MAGI2: variants seen among roughly 807,000 people sequenced by gnomAD.
MAGI2 encodes membrane associated guanylate kinase, WW and PDZ domain containing 2.
In MAGI2, 35 loss-of-function variants were observed where a neutral mutation model predicts 133.3. The observed-to-expected ratio is 0.26, with a 90% confidence interval of 0.20 to 0.35. The LOEUF (loss-of-function observed/expected upper bound fraction) is 0.35. Among genes scored for constraint, MAGI2 ranks in the 10% least tolerant of loss-of-function variants. The pLI is 1.00. For synonymous variants in MAGI2, 729 were observed against 710.6 expected, an observed-to-expected ratio of 1.03 and a Z score of -0.41; for missense variants, 1,636 against 1,863.4, an observed-to-expected ratio of 0.88 and a Z score of 2.25.
intron 6 of MAGI2, among the ~76,000 whole-genome samples, chr7:78,417,681 T>C (rs1798424927): frequency 6.6e-6 from 1 of 152,174 alleles, no homozygotes; most frequent in Non-Finnish European, 1.5e-5. Context: ...ATGTATTATT[T>C]TGTTGAAACA....
chr7:78,987,247 T>C (rs1194812263), intron 2 of MAGI2, among the ~76,000 whole-genome samples: 2 of 151,940 alleles, frequency 1.3e-5, no homozygotes, highest in African/African-American at 2.4e-5. Context: ...TATTAATGAG[T>C]TGGAAAAAAG....
At chr7:79,318,067 C>T (rs982177985) in intron 1 of MAGI2, among the ~76,000 whole-genome samples, 5 of 152,076 alleles carry the variant, frequency 3.3e-5, no homozygotes, top group African/African-American at 7.2e-5. Flanking sequence ...CCTCTTACAC[C>T]GAAAAGGTAG....
intron 10 of MAGI2, among the ~76,000 whole-genome samples, chr7:78,248,715 T>C (rs769514344): frequency 5.3e-5 from 8 of 152,046 alleles, no homozygotes; most frequent in Non-Finnish European, 1.0e-4. Context: ...CTCTCAAAAA[T>C]CAAATCAAAA....
intron 1 of MAGI2, among the ~76,000 whole-genome samples, chr7:79,317,097 A>C (rs140815180): frequency 3.6e-5 from 5 of 137,746 alleles, no homozygotes; most frequent in Non-Finnish European, 7.5e-5. Context: ...ATCTCGGCTC[A>C]CTGCAACTTC....
chr7:78,489,901 T>TAAG, intron 5 of MAGI2, 61 bp from the exon 6 acceptor site: 1 of 1,156,498 alleles, frequency 8.6e-7, no homozygotes, highest in South Asian at 1.4e-5. Flanking sequence ...GTTTATTCCT[T>TAAG]AAGAAAAAAA....
In MAGI2 at chr7:78,661,293, G is replaced by C. The variant is rs111335217; in HGVS notation, c.419-34054C>G. Among the ~76,000 whole-genome samples, 1,015 of 151,992 alleles carry C rather than the reference G, an allele frequency of 6.7e-3. 10 individuals are homozygous for C. Among genetic ancestry groups the C allele is most frequent in the African/African-American group, 0.024 (980 of 41,442 alleles). ...ATCTTGTCTATTTTTATCAGTTTGGGTGTCACCTTTATGGAGATACCTTTA... is the reference window on the plus strand; with the variant it reads ...ATCTTGTCTATTTTTATCAGTTTGGCTGTCACCTTTATGGAGATACCTTTA... On this transcript the variant is annotated intron_variant, in intron 2 of 21. Coordinates refer to ENST00000354212, the MANE Select transcript of MAGI2 (RefSeq NM_012301.4).
intron 7 of MAGI2, among the ~76,000 whole-genome samples, chr7:78,368,896 T>C (rs1472749118): frequency 6.6e-6 from 1 of 152,146 alleles, no homozygotes; most frequent in African/African-American, 2.4e-5. Context: ...TATCTTTAAT[T>C]ATCACTCATT....
chr7:78,061,322 C>T (rs886401052), intron 21 of MAGI2, among the ~76,000 whole-genome samples: 9 of 150,840 alleles, frequency 6.0e-5, no homozygotes, highest in Non-Finnish European at 1.2e-4. Flanking sequence ...GGGGAGTGGG[C>T]CTGAACTGGG....
intron 2 of MAGI2, among the ~76,000 whole-genome samples, chr7:78,639,648 G>C (rs1277804725): frequency 1.3e-5 from 2 of 152,020 alleles, no homozygotes; most frequent in Non-Finnish European, 2.9e-5. Flanking sequence ...TTACAGAATT[G>C]GGGATATTAT....
At position 78,345,979 on chromosome 7, in the gene MAGI2, G is replaced by A. The variant is rs766756530; in HGVS notation, c.1168C>T (p.His390Tyr). ...CCAAGTTCTGTGTGGGGCATGTTAT[G>A]TTGCTGTAGCTTCCTTTTTGCTTCC... ...VLEAKRKLQQ[H>Y]NMPHTELGTK... Residue 390 changes from histidine to tyrosine, a missense_variant, in exon 8 of 22, where the codon CAT (histidine) becomes TAT (tyrosine). Transcript: ENST00000354212. 2.5e-5 allele frequency: 41 copies of A among 1,614,196 alleles called. No homozygotes were observed. In the South Asian group the frequency reaches 3.6e-4, roughly 14 times the overall value.
At chr7:78,398,408 C>A (rs906556164) in intron 6 of MAGI2, among the ~76,000 whole-genome samples, 10 of 152,040 alleles carry the variant, frequency 6.6e-5, no homozygotes, top group African/African-American at 1.9e-4. Flanking sequence ...ACGAGTCTAC[C>A]GTCTCTTATT....
chr7:78,291,664 A>G lies in MAGI2; in HGVS notation c.1409-35083T>C, dbSNP rs557378185. Among the ~76,000 whole-genome samples the G allele has an allele frequency of 1.4e-4, 21 of 152,340 alleles. 1 individual carries two copies. In the East Asian group the frequency reaches 3.7e-3, roughly 27 times the overall value. ...TTTTAGACCAATATCCCTGATGAACATCGATGCAAAAATCCTCAATAAAAT... is the reference window on the plus strand; with the variant it reads ...TTTTAGACCAATATCCCTGATGAACGTCGATGCAAAAATCCTCAATAAAAT... On this transcript the variant is annotated intron_variant, in intron 9 of 21. Transcript: ENST00000354212.
At chr7:79,226,054 G>A (rs1235944279) in intron 1 of MAGI2, among the ~76,000 whole-genome samples, 1 of 152,090 alleles carries the variant, frequency 6.6e-6, no homozygotes, top group Non-Finnish European at 1.5e-5. Context: ...TGTTTTTCAG[G>A]CATTAGGCCA....
intron 9 of MAGI2, among the ~76,000 whole-genome samples, chr7:78,296,448 T>G (rs1452769951): frequency 6.6e-6 from 1 of 152,198 alleles, no homozygotes; most frequent in Non-Finnish European, 1.5e-5. Flanking sequence ...TTCTTGAGTA[T>G]TCTATTCACT....
intron 2 of MAGI2, among the ~76,000 whole-genome samples, chr7:78,927,229 C>T (rs908705145): frequency 6.6e-6 from 1 of 151,990 alleles, no homozygotes; most frequent in Non-Finnish European, 1.5e-5. Context: ...CACTTAAATT[C>T]TCTAGATCTC....
intron 3 of MAGI2, among the ~76,000 whole-genome samples, chr7:78,624,490 T>A (rs1180761783): frequency 6.6e-6 from 1 of 152,134 alleles, no homozygotes; most frequent in African/African-American, 2.4e-5. Context: ...GATCATGTCC[T>A]TTGCAGGGAC....
In MAGI2 at chr7:78,811,341, G is replaced by A. The variant is rs560746864; in HGVS notation, c.419-184102C>T. The stretch of plus-strand genomic sequence containing the variant: ...GAGGACCTAAGAAGATGCTGATAGA[G>A]CTAGAAAGTGACAAAAAGTTTGTAA... On this transcript the variant is annotated intron_variant, in intron 2 of 21. Coordinates refer to ENST00000354212, the MANE Select transcript of MAGI2 (RefSeq NM_012301.4). Among the ~76,000 whole-genome samples the A allele has an allele frequency of 1.3e-3, 190 of 151,994 alleles. 1 individual carries two copies. The highest frequency in any genetic ancestry group is 2.0e-3 in the Non-Finnish European group (138 of 67,928).
At chr7:79,066,331 T>A (rs1324794217) in intron 1 of MAGI2, among the ~76,000 whole-genome samples, 3 of 151,322 alleles carry the variant, frequency 2.0e-5, no homozygotes, top group African/African-American at 7.3e-5. Flanking sequence ...ATGATGAACA[T>A]TTTTTCATAT....
chr7:78,896,484 T>G (rs1797222798), intron 2 of MAGI2, among the ~76,000 whole-genome samples: 1 of 150,228 alleles, frequency 6.7e-6, no homozygotes, highest in Non-Finnish European at 1.5e-5. Flanking sequence ...TCTTCTGTTT[T>G]GAATCTATGG....
Sources: allele counts gnomAD v4.1 joint callset (sites outside exome capture counted in the v4.1 genomes callset), GRCh38; gene constraint gnomAD v4.1.1; transcripts MANE v1.5; gene names NCBI Gene and HGNC (gene_info 2026-07-23, HGNC 2026-07-21).